Variants in DCHS2 observed in about 807,000 individuals in gnomAD.
The protein encoded by DCHS2 is dachsous cadherin-related 2.
A neutral mutation model predicts 182.4 loss-of-function variants in DCHS2; 142 were observed. The ratio of observed to expected loss-of-function variants is 0.78; its 90% CI spans 0.68 to 0.89. The LOEUF is 0.89. Ranked by LOEUF, DCHS2 falls within the 40% of genes least tolerant of loss-of-function variation. The probability of loss-of-function intolerance (pLI) is 0.00; values close to 1 mark genes in which losing one functional copy is unlikely to be tolerated. For synonymous variants in DCHS2, 1,740 were observed against 1,663.3 expected, an observed-to-expected ratio of 1.05 and a Z score of -1.12; for missense variants, 4,319 against 4,198.6, an observed-to-expected ratio of 1.03 and a Z score of -0.79.
At chr4:154,259,449 T>C in intron 15 of DCHS2, 96 bp downstream of exon 15, 1 of 1,524,430 alleles carries the variant, frequency 6.6e-7, no homozygotes. Flanking sequence ...TAGAAATTTT[T>C]ATGTACATTG....
chr4:154,294,579 G>T (rs1734837984), intron 13 of DCHS2, among the ~76,000 whole-genome samples: 1 of 152,200 alleles, frequency 6.6e-6, no homozygotes, highest in Non-Finnish European at 1.5e-5. Context: ...ATAGGTGGAA[G>T]GTCTTATCTA....
In DCHS2 at chr4:154,233,466, A is replaced by C. The variant is rs1271740190; in HGVS notation, c.*1070T>G. 6.6e-6 allele frequency: 1 copy of C among 152,196 alleles called. No individual in the cohort carries two copies. Among genetic ancestry groups the C allele is most frequent in the African/African-American group, 2.4e-5 (1 of 41,464 alleles). 9.4% of individuals were successfully genotyped at this position (152,196 alleles called of 1,614,324 possible). On this transcript the variant is annotated 3_prime_UTR_variant, in exon 20 of 20. Coordinates refer to ENST00000357232, the MANE Select transcript of DCHS2 (RefSeq NM_001358235.2). The stretch of plus-strand genomic sequence containing the variant: ...AAAAAGACTTCTGACTTCTATTCTT[A>C]ACTTTTATAGTAGAAACATTTCCAT...
At chr4:154,344,774 T>G (rs938742435) in intron 3 of DCHS2, among the ~76,000 whole-genome samples, 2 of 152,172 alleles carry the variant, frequency 1.3e-5, no homozygotes, top group Non-Finnish European at 2.9e-5. Flanking sequence ...GGCATCCCTG[T>G]GCAGCTGAGA....
chr4:154,258,151 A>G (rs1217747235), intron 15 of DCHS2, among the ~76,000 whole-genome samples: 1 of 152,152 alleles, frequency 6.6e-6, no homozygotes, highest in East Asian at 1.9e-4. Flanking sequence ...ACCAGGGTAA[A>G]GACACAGCAC....
rs567120771 is a variant in DCHS2 at position 154,370,811 on chromosome 4, T to C, written c.2245-4370A>G. ...GCAGTGCAGAAAATGCAGCGTCAGA[T>C]TTACGTAGGGCTGGGGTTTTACCAG... On this transcript the variant is annotated intron_variant, in intron 2 of 19. Coordinates refer to ENST00000357232, the MANE Select transcript of DCHS2 (RefSeq NM_001358235.2). Among the ~76,000 whole-genome samples the C allele has an allele frequency of 5.3e-5, 8 of 152,196 alleles. No individual in the cohort carries two copies. In the East Asian group the frequency reaches 1.5e-3, roughly 29 times the overall value.
intron 3 of DCHS2, among the ~76,000 whole-genome samples, chr4:154,346,013 A>T (rs188916476): frequency 1.2e-4 from 18 of 152,326 alleles, no homozygotes; most frequent in African/African-American, 4.3e-4. Context: ...GCAGACAGCC[A>T]TCTTCTTGTA....
chr4:154,335,187 T>C (rs1728737036), intron 3 of DCHS2, 83 bp from the exon 4 acceptor site: 1 of 887,266 alleles, frequency 1.1e-6, no homozygotes. Context: ...GTCTATTAAG[T>C]GTATTGTGAT....
chr4:154,298,121 G>A lies in DCHS2; in HGVS notation c.6193C>T (p.Leu2065=). Residue 2065 remains leucine (L), a synonymous_variant, in exon 13 of 20, where the codon CTG becomes TTG. Coordinates refer to ENST00000357232, the MANE Select transcript of DCHS2 (RefSeq NM_001358235.2). ...QTTVIVRADD[L]DLGPNGTVVF... is the part of the protein sequence containing the mutation. ...ACAGTTCCATTGGGCCCCAAGTCCA[G>A]GTCATCAGCTCTCACAATGACAGTT... 6.2e-7 allele frequency: 1 copy of A among 1,614,118 alleles called. No individual in the cohort carries two copies. The highest frequency in any genetic ancestry group is 1.3e-5 in the African/African-American group (1 of 75,026).
In DCHS2 at chr4:154,340,091, T is replaced by A. The variant is rs148176943; in HGVS notation, c.2477-4987A>T. On this transcript the variant is annotated intron_variant, in intron 3 of 19. Coordinates refer to ENST00000357232, the MANE Select transcript of DCHS2 (RefSeq NM_001358235.2). ...AAGATATGTTTGGTTATTATTTAACTTTTTTAGGACTATGAAGGAAACTTG... is the reference window on the plus strand; with the variant it reads ...AAGATATGTTTGGTTATTATTTAACATTTTTAGGACTATGAAGGAAACTTG... Among the ~76,000 whole-genome samples the A allele has an allele frequency of 1.9e-3, 286 of 150,460 alleles. 9 individuals carry two copies. In the East Asian group the frequency reaches 0.053, roughly 28 times the overall value.
chr4:154,345,987 G>A lies in DCHS2; in HGVS notation c.2477-10883C>T, dbSNP rs185587840. Among the ~76,000 whole-genome samples, 239 of 152,298 alleles carry A rather than the reference G, an allele frequency of 1.6e-3. 2 individuals are homozygous for A. The highest frequency in any genetic ancestry group is 5.5e-3 in the African/African-American group (230 of 41,562). On this transcript the variant is annotated intron_variant, in intron 3 of 19. Transcript: ENST00000357232. ...CCAGCAGAATCAGTGTCTGGACAGG[G>A]CTCCCTTCCTGGTTTGCAGACAGCC...
At position 154,288,836 on chromosome 4, in the gene DCHS2, T is replaced by C. The variant is rs544168241; in HGVS notation, c.6463+9015A>G. On this transcript the variant is annotated intron_variant, in intron 13 of 19. Transcript: ENST00000357232. ...TGCTCCTGAATGACCAGTGATTCAA[T>C]GGAAAAATTTAAAAGAAAATTTAAA... 2.5e-4 allele frequency among the ~76,000 whole-genome samples: 38 copies of C among 152,186 alleles called. No homozygotes were observed. The East Asian group carries it at 5.8e-3, about 23-fold the overall frequency.
At chr4:154,476,443 T>C (rs1358921359) in intron 1 of DCHS2, among the ~76,000 whole-genome samples, 1 of 152,228 alleles carries the variant, frequency 6.6e-6, no homozygotes, top group Non-Finnish European at 1.5e-5. Context: ...TGTCTTACTG[T>C]TGTGTAATGT....
chr4:154,353,611 TG>T (rs1415067268), intron 3 of DCHS2, among the ~76,000 whole-genome samples: 1 of 152,214 alleles, frequency 6.6e-6, no homozygotes, highest in Non-Finnish European at 1.5e-5. Context: ...CTCTTTCCTT[TG>T]GTTATATTAC....
At chr4:154,360,831 T>C (rs970399108) in intron 3 of DCHS2, among the ~76,000 whole-genome samples, 1 of 152,106 alleles carries the variant, frequency 6.6e-6, no homozygotes, top group Non-Finnish European at 1.5e-5. Context: ...TCCTTTCAAT[T>C]ACTTGTTTTT....
In DCHS2 at chr4:154,375,341, G is replaced by T. The variant is rs184537782; in HGVS notation, c.2244+1912C>A. ...AGAAACTACTAAGCTCTATTATAAT[G>T]AAGAACTTCTGTTCCTCAAAAGAAA... On this transcript the variant is annotated intron_variant, in intron 2 of 19. Coordinates refer to ENST00000357232, the MANE Select transcript of DCHS2 (RefSeq NM_001358235.2). Among the ~76,000 whole-genome samples, 385 of 152,108 alleles carry T rather than the reference G, an allele frequency of 2.5e-3. 3 individuals are homozygous for T. The highest frequency in any genetic ancestry group is 4.1e-3 in the Admixed American group (62 of 15,276).
At chr4:154,414,387 A>C (rs1184695945) in intron 1 of DCHS2, among the ~76,000 whole-genome samples, 4 of 151,926 alleles carry the variant, frequency 2.6e-5, no homozygotes, top group African/African-American at 9.7e-5. Flanking sequence ...ACTATAAATT[A>C]TCCTCCTAGG....
At chr4:154,458,985 C>A (rs1346716906) in intron 1 of DCHS2, among the ~76,000 whole-genome samples, 1 of 152,200 alleles carries the variant, frequency 6.6e-6, no homozygotes, top group Non-Finnish European at 1.5e-5. Context: ...GATTTCACAA[C>A]AGAAAATACT....
intron 1 of DCHS2, among the ~76,000 whole-genome samples, chr4:154,411,531 A>AG (rs1732634682): frequency 6.6e-6 from 1 of 152,084 alleles, no homozygotes; most frequent in Non-Finnish European, 1.5e-5. Flanking sequence ...TGGGAGGCAG[A>AG]GGTTGCAATA....
At position 154,242,707 on chromosome 4, in the gene DCHS2, T is replaced by TG. The variant is rs1483331959; in HGVS notation, c.7006dup (p.Gln2336ProfsTer4). ...GGCATTGTCATTTATATCAGTCACCTGTACCTTGATTACAGTCGTATTAGA... is the reference window on the plus strand; with the variant it reads ...GGCATTGTCATTTATATCAGTCACCTGGTACCTTGATTACAGTCGTATTAGA... On this transcript the variant is annotated frameshift_variant, in exon 17 of 20. Coordinates refer to ENST00000357232, the MANE Select transcript of DCHS2 (RefSeq NM_001358235.2). LOFTEE classifies it high-confidence loss of function. 1 of 1,613,256 alleles carries TG rather than the reference T, an allele frequency of 6.2e-7. No homozygotes were observed.
Sources: allele counts gnomAD v4.1 joint callset (sites outside exome capture counted in the v4.1 genomes callset), GRCh38; gene constraint gnomAD v4.1.1; transcripts MANE v1.5; gene names NCBI Gene and HGNC (gene_info 2026-07-23, HGNC 2026-07-21).